ZNF385D: variants seen among roughly 807,000 people sequenced by gnomAD.
ZNF385D encodes zinc finger protein 659.
A neutral mutation model predicts 35.8 loss-of-function variants in ZNF385D; 15 were observed. That is an observed-to-expected ratio of 0.42 (90% CI 0.28 to 0.64). The LOEUF (loss-of-function observed/expected upper bound fraction) is 0.64, where lower values mean the gene tolerates loss of function less well. Ranked by LOEUF, ZNF385D falls within the 30% of genes least tolerant of loss-of-function variation. The pLI is 0.23. For synonymous variants in ZNF385D, 212 were observed against 186.8 expected (o/e 1.13, Z -1.10); for missense variants, 474 against 494.6 (o/e 0.96, Z 0.39).
At chr3:21,799,916 G>T (rs1361490978) in intron 3 of ZNF385D, among the ~76,000 whole-genome samples, 7 of 152,080 alleles carry the variant, frequency 4.6e-5, no homozygotes, top group Admixed American at 4.6e-4. Context: ...TCCATTTTGA[G>T]TTAAATTTTG....
At chr3:21,681,407 G>T (rs955239147) in intron 1 of ZNF385D, among the ~76,000 whole-genome samples, 2 of 149,768 alleles carry the variant, frequency 1.3e-5, no homozygotes, top group East Asian at 3.9e-4. Flanking sequence ...AAAGGTAAAG[G>T]CTGTACAATT....
intron 3 of ZNF385D, among the ~76,000 whole-genome samples, chr3:21,856,254 A>T (rs1487235794): frequency 1.3e-5 from 2 of 152,036 alleles, no homozygotes; most frequent in Non-Finnish European, 2.9e-5. Context: ...ATCTATTTCA[A>T]CAACTAAAGT....
At chr3:21,844,845 C>A (rs1250019228) in intron 3 of ZNF385D, among the ~76,000 whole-genome samples, 1 of 151,702 alleles carries the variant, frequency 6.6e-6, no homozygotes, top group Admixed American at 6.6e-5. Context: ...TTCAACCTCA[C>A]AAATACAAGT....
intron 2 of ZNF385D, among the ~76,000 whole-genome samples, chr3:22,189,353 T>G (rs1695862877): frequency 6.6e-6 from 1 of 152,172 alleles, no homozygotes; most frequent in South Asian, 2.1e-4. Context: ...ATCTCTTCTG[T>G]GGTTCAGACA....
Position 21,421,392 on chromosome 3 carries a change from G to C in ZNF385D, c.1010C>G (p.Pro337Arg). 6.2e-7 allele frequency: 1 copy of C among 1,613,614 alleles called. No homozygotes were observed. Among genetic ancestry groups the C allele is most frequent in the Non-Finnish European group, 8.5e-7 (1 of 1,179,778 alleles). ...GGCTGCTGCAGCTGCTAGAGGATTT[G>C]GTAGAATTCGTGGAGCCAATGGCTT... is the stretch of plus-strand genomic sequence containing the variant. ...PSKPLAPRIL[P>R]NPLAAAAAAA... The change falls in exon 8 of 8, where the codon CCA (proline) becomes CGA (arginine). Residue 337 changes from proline (P) to arginine (R), a missense_variant. Physicochemically the swap from Pro to Arg is moderately radical, Grantham distance 103 (BLOSUM62 -2). Transcript: ENST00000281523.
chr3:21,765,564 G>A (rs1192397800), intron 3 of ZNF385D, among the ~76,000 whole-genome samples: 1 of 151,996 alleles, frequency 6.6e-6, no homozygotes, highest in Non-Finnish European at 1.5e-5. Flanking sequence ...CGTGTCAATT[G>A]GTGATGGGCC....
chr3:21,933,970 T>C (rs1003695232), intron 3 of ZNF385D, among the ~76,000 whole-genome samples: 17 of 151,570 alleles, frequency 1.1e-4, no homozygotes, highest in Admixed American at 2.6e-4. Context: ...GCCTCTCAAT[T>C]AGTCACTATT....
At chr3:21,825,140 A>G (rs1341243012) in intron 3 of ZNF385D, among the ~76,000 whole-genome samples, 3 of 152,208 alleles carry the variant, frequency 2.0e-5, no homozygotes, top group African/African-American at 7.2e-5. Flanking sequence ...TCTCACGCCA[A>G]TATTTTAGTG....
At chr3:22,252,249 A>C (rs918501312) in intron 2 of ZNF385D, among the ~76,000 whole-genome samples, 2 of 152,044 alleles carry the variant, frequency 1.3e-5, no homozygotes, top group Admixed American at 1.3e-4. Flanking sequence ...TTATGAAAGG[A>C]AATTGAGGGG....
intron 1 of ZNF385D, among the ~76,000 whole-genome samples, chr3:21,720,812 C>T (rs1470807337): frequency 6.6e-6 from 1 of 152,012 alleles, no homozygotes; most frequent in African/African-American, 2.4e-5. Flanking sequence ...ATTTAAAGAC[C>T]TTCTATTGTA....
intron 3 of ZNF385D, among the ~76,000 whole-genome samples, chr3:22,135,351 T>A (rs1704042423): frequency 6.6e-6 from 1 of 150,748 alleles, no homozygotes; most frequent in Non-Finnish European, 1.5e-5. Flanking sequence ...CATACACACA[T>A]AACTTATTTT....
intron 3 of ZNF385D, among the ~76,000 whole-genome samples, chr3:22,076,606 T>C (rs1024884843): frequency 9.9e-5 from 15 of 151,878 alleles, no homozygotes; most frequent in East Asian, 3.9e-4. Flanking sequence ...CCTAGCCCAA[T>C]TGGACTATAA....
intron 4 of ZNF385D, among the ~76,000 whole-genome samples, chr3:21,478,993 A>G (rs542077207): frequency 7.5e-4 from 114 of 152,180 alleles, no homozygotes; most frequent in African/African-American, 2.7e-3. Flanking sequence ...AATAGTAATC[A>G]TAAAGAAATA....
At chr3:21,916,380 G>A (rs996354516) in intron 3 of ZNF385D, among the ~76,000 whole-genome samples, 4 of 151,468 alleles carry the variant, frequency 2.6e-5, no homozygotes, top group Non-Finnish European at 5.9e-5. Context: ...ATTTTCTGTT[G>A]GGTTGATCAT....
At chr3:21,851,454 CAA>C (rs1696383265) in intron 3 of ZNF385D, among the ~76,000 whole-genome samples, 1 of 151,918 alleles carries the variant, frequency 6.6e-6, no homozygotes, top group African/African-American at 2.4e-5. Context: ...CTCCACAAAA[CAA>C]AAACTTGTAC....
At chr3:22,129,192 C>G (rs953203956) in intron 3 of ZNF385D, among the ~76,000 whole-genome samples, 5 of 151,120 alleles carry the variant, frequency 3.3e-5, no homozygotes, top group Admixed American at 3.3e-4. Context: ...CAAACAGAGT[C>G]TCTCTCTCTC....
At chr3:21,977,253 G>A (rs1394575511) in intron 3 of ZNF385D, among the ~76,000 whole-genome samples, 2 of 152,060 alleles carry the variant, frequency 1.3e-5, no homozygotes, top group Non-Finnish European at 2.9e-5. Context: ...TGTTTACTTT[G>A]TGGAAATCCA....
At chr3:22,369,920 G>A (rs1017445318) in intron 2 of ZNF385D, among the ~76,000 whole-genome samples, 3 of 152,094 alleles carry the variant, frequency 2.0e-5, no homozygotes, top group Admixed American at 1.3e-4. Context: ...TCAGCTACCT[G>A]CATACACTTA....
intron 3 of ZNF385D, among the ~76,000 whole-genome samples, chr3:22,128,663 G>C (rs745731578): frequency 2.6e-5 from 4 of 152,060 alleles, no homozygotes; most frequent in Non-Finnish European, 5.9e-5. Context: ...GAGAGACTCT[G>C]TTGCATTCTT....
Sources: allele counts gnomAD v4.1 joint callset (sites outside exome capture counted in the v4.1 genomes callset), GRCh38; gene constraint gnomAD v4.1.1; transcripts MANE v1.5; gene names NCBI Gene and HGNC (gene_info 2026-07-23, HGNC 2026-07-21).